The following CNGB3 variants were observed in gnomAD, a reference collection of about 807,000 sequenced individuals.
CNGB3 encodes cyclic nucleotide-gated channel beta-3.
A neutral mutation model predicts 92.8 loss-of-function variants in CNGB3; 86 were observed. The observed-to-expected ratio is 0.93, with a 90% CI of 0.78 to 1.11. The LOEUF is 1.11. CNGB3 is among the 50% of genes least tolerant of loss of function. The pLI is 0.00. For missense variants in CNGB3, 1,026 were observed against 956.8 expected (o/e 1.07, Z -0.95); for synonymous variants, 333 against 332.7 (o/e 1.00, Z -0.01).
chr8:86,629,963 C>G (rs1323511685), intron 11 of CNGB3, among the ~76,000 whole-genome samples: 1 of 152,102 alleles, frequency 6.6e-6, no homozygotes, highest in Non-Finnish European at 1.5e-5. Context: ...ACTCCTAAGA[C>G]TTTGCTCATT....
In CNGB3 at chr8:86,668,027, G is replaced by A; in HGVS notation, c.635C>T (p.Ser212Leu). ...TCACCCTTTGATAATACCTGTGTAT[G>A]AATCTATGCTGTTTGGAAGTTTAAT... ...KRIKLPNSIDSYTDRLYLLWL... is the reference protein window; with the variant it reads ...KRIKLPNSIDLYTDRLYLLWL... Residue 212 changes from serine (S) to leucine (L), a missense_variant, in exon 5 of 18, where the codon TCA becomes TTA. Ser to Leu is a moderately radical substitution (Grantham distance 145). Transcript: ENST00000320005. The A allele has an allele frequency of 6.2e-7, 1 of 1,613,998 alleles. No individual in the cohort carries two copies. Among genetic ancestry groups the A allele is most frequent in the Non-Finnish European group, 8.5e-7 (1 of 1,179,992 alleles).
rs777861643 is a variant in CNGB3 at position 86,604,199 on chromosome 8, T to C, written c.1675A>G (p.Lys559Glu). Residue 559 changes from lysine to glutamate, a missense_variant, in exon 15 of 18, where the codon AAG (lysine) becomes GAG (glutamate). Transcript: ENST00000320005. ...DFVCKKGEIG[K>E]EMYIIKHGEV... ...CCATGCTTGATGATATACATTTCCT[T>C]GCCAATTTCTCCCTACATTTTAAAT... 6.2e-7 allele frequency: 1 copy of C among 1,605,296 alleles called. No homozygotes were observed. Among genetic ancestry groups the C allele is most frequent in the South Asian group, 1.1e-5 (1 of 90,838 alleles).
chr8:86,628,629 T>C (rs1822896964), intron 12 of CNGB3, among the ~76,000 whole-genome samples: 1 of 152,160 alleles, frequency 6.6e-6, no homozygotes, highest in Non-Finnish European at 1.5e-5. Context: ...ATGCCTAATT[T>C]TCCCACTTCC....
intron 8 of CNGB3, among the ~76,000 whole-genome samples, chr8:86,647,508 T>C (rs1465171723): frequency 6.6e-6 from 1 of 151,098 alleles, no homozygotes; most frequent in Non-Finnish European, 1.5e-5. Context: ...AATACTCATT[T>C]GTAATTATAG....
At chr8:86,611,557 G>C (rs933144396) in intron 14 of CNGB3, 31 bp downstream of exon 14, 8 of 1,517,554 alleles carry the variant, frequency 5.3e-6, no homozygotes, top group Non-Finnish European at 7.3e-6. Context: ...GCATTTATTA[G>C]TTGTGCATTT....
At chr8:86,666,271 G>A (rs1007199135) in intron 6 of CNGB3, among the ~76,000 whole-genome samples, 4 of 152,138 alleles carry the variant, frequency 2.6e-5, no homozygotes, top group Non-Finnish European at 2.9e-5. Flanking sequence ...ATTGATAATT[G>A]ATCTATTTAA....
At chr8:86,619,496 C>T (rs1822684781) in intron 13 of CNGB3, among the ~76,000 whole-genome samples, 1 of 151,962 alleles carries the variant, frequency 6.6e-6, no homozygotes, top group South Asian at 2.1e-4. Context: ...CTCTGATCAC[C>T]CATGTTGAAG....
intron 11 of CNGB3, among the ~76,000 whole-genome samples, chr8:86,629,840 C>CA (rs1362772968): frequency 1.3e-5 from 2 of 152,152 alleles, no homozygotes; most frequent in East Asian, 1.9e-4. Flanking sequence ...GGTCTCAGCA[C>CA]AAAAAAGATA....
At position 86,702,204 on chromosome 8, in the gene CNGB3, C is replaced by T. The variant is rs530378217; in HGVS notation, c.338+24327G>A. 7.9e-5 allele frequency among the ~76,000 whole-genome samples: 12 copies of T among 152,264 alleles called. No homozygotes were observed. In the East Asian group the frequency reaches 2.3e-3, roughly 29 times the overall value. On this transcript the variant is annotated intron_variant, in intron 3 of 17. Coordinates refer to ENST00000320005, the MANE Select transcript of CNGB3 (RefSeq NM_019098.5). ...GAGGCTAGAGGCAACTGTCTTGTGG[C>T]ACTGGCTGCACAGACAAATCTTGTT...
chr8:86,630,931 G>T (rs533280360), intron 11 of CNGB3, among the ~76,000 whole-genome samples: 1 of 152,140 alleles, frequency 6.6e-6, no homozygotes, highest in Admixed American at 6.6e-5. Flanking sequence ...GGAATTTTGA[G>T]TGAGTGGAGG....
chr8:86,672,419 A>C (rs1823879410), intron 3 of CNGB3, among the ~76,000 whole-genome samples: 1 of 152,164 alleles, frequency 6.6e-6, no homozygotes, highest in Non-Finnish European at 1.5e-5. Context: ...CTTTCTGAGA[A>C]AATACACAAA....
At chr8:86,609,535 C>G (rs1009818195) in intron 14 of CNGB3, among the ~76,000 whole-genome samples, 1 of 152,206 alleles carries the variant, frequency 6.6e-6, no homozygotes, top group Non-Finnish European at 1.5e-5. Flanking sequence ...TCTTCAAACA[C>G]TAGAGCTCTT....
intron 13 of CNGB3, among the ~76,000 whole-genome samples, chr8:86,618,682 A>G (rs954275395): frequency 6.6e-6 from 1 of 152,230 alleles, no homozygotes; most frequent in Admixed American, 6.5e-5. Flanking sequence ...ATTTTTTAAA[A>G]GTCTAGCAAC....
At chr8:86,679,728 G>A (rs1326853740) in intron 3 of CNGB3, among the ~76,000 whole-genome samples, 1 of 152,064 alleles carries the variant, frequency 6.6e-6, no homozygotes, top group African/African-American at 2.4e-5. Flanking sequence ...GATTTGCCAT[G>A]TTGGCCAGGC....
At position 86,667,229 on chromosome 8, in the gene CNGB3, A is replaced by G. The variant is rs959959996; in HGVS notation, c.644-96T>C. The G allele has an allele frequency of 6.7e-6, 7 of 1,039,544 alleles. No homozygotes were observed. In the African/African-American group the frequency reaches 9.5e-5, roughly 14 times the overall value. 64.4% of individuals were successfully genotyped at this position (1,039,544 alleles called of 1,614,324 possible). On this transcript the variant is annotated intron_variant, in intron 5 of 17. Transcript: ENST00000320005. The stretch of plus-strand genomic sequence containing the variant: ...TGGGGAGGTTGGGGCACTACCCTCT[A>G]CAGAGTAATTTGCCATAGGAGGCTC...
intron 3 of CNGB3, among the ~76,000 whole-genome samples, chr8:86,697,904 T>C (rs921995920): frequency 6.6e-6 from 1 of 152,048 alleles, no homozygotes; most frequent in African/African-American, 2.4e-5. Context: ...TGGTTTTCTG[T>C]CCTTGCGATA....
intron 13 of CNGB3, among the ~76,000 whole-genome samples, chr8:86,613,302 CT>C (rs1822555258): frequency 1.3e-5 from 2 of 152,016 alleles, no homozygotes; most frequent in Non-Finnish European, 2.9e-5. Flanking sequence ...AATTTTTTTT[CT>C]AAAAGGCATG....
At chr8:86,617,450 T>C (rs1822641844) in intron 13 of CNGB3, among the ~76,000 whole-genome samples, 1 of 152,172 alleles carries the variant, frequency 6.6e-6, no homozygotes, top group East Asian at 1.9e-4. Flanking sequence ...CCATTCTCAT[T>C]AAACAAGTAA....
intron 7 of CNGB3, among the ~76,000 whole-genome samples, chr8:86,651,084 C>T (rs1823393511): frequency 6.6e-6 from 1 of 151,568 alleles, no homozygotes; most frequent in Admixed American, 6.6e-5. Context: ...TATACGTTCT[C>T]ACTTATAAGT....
Sources: allele counts gnomAD v4.1 joint callset (sites outside exome capture counted in the v4.1 genomes callset), GRCh38; gene constraint gnomAD v4.1.1; transcripts MANE v1.5; gene names NCBI Gene and HGNC (gene_info 2026-07-23, HGNC 2026-07-21).